Variants in NEGR1 observed in about 807,000 individuals in gnomAD.
NEGR1 encodes the protein IgLON family member 4.
NEGR1 carries 10 observed loss-of-function variants against 40.9 expected under a neutral mutation model. The observed-to-expected ratio is 0.24, with a 90% CI of 0.15 to 0.42. The LOEUF is 0.42. NEGR1 is among the 10% of genes least tolerant of loss of function. The pLI, the probability that NEGR1 is intolerant of heterozygous loss-of-function variation, is 1.00. For synonymous variants in NEGR1, 185 were observed against 166.8 expected, an observed-to-expected ratio of 1.11 and a Z score of -0.84; for missense variants, 352 against 438.9, an observed-to-expected ratio of 0.80 and a Z score of 1.77.
At chr1:71,732,860 C>T (rs1654927957) in intron 3 of NEGR1, among the ~76,000 whole-genome samples, 1 of 152,008 alleles carries the variant, frequency 6.6e-6, no homozygotes, top group Non-Finnish European at 1.5e-5. Flanking sequence ...CAATAAAATT[C>T]CATTTTATAG....
chr1:72,240,390 C>A (rs996336385), intron 1 of NEGR1, among the ~76,000 whole-genome samples: 1 of 151,782 alleles, frequency 6.6e-6, no homozygotes, highest in Non-Finnish European at 1.5e-5. Flanking sequence ...AGAGTTTTGA[C>A]TGAAAAGTTA....
At chr1:71,915,195 T>C (rs948146749) in intron 2 of NEGR1, among the ~76,000 whole-genome samples, 15 of 152,148 alleles carry the variant, frequency 9.9e-5, no homozygotes, top group Non-Finnish European at 2.9e-5. Flanking sequence ...TTTTAAAAAG[T>C]GACTAAGTGG....
chr1:72,161,676 C>CTTTTTTTTTTTTTTTTTTTTT (rs779074685), intron 1 of NEGR1, among the ~76,000 whole-genome samples: 3 of 84,568 alleles, frequency 3.5e-5, no homozygotes, highest in African/African-American at 1.5e-4. Flanking sequence ...TTCTTTCTTT[C>CTTTTTTTTTTTTTTTTTTTTT]TTTTTTTTTT....
chr1:71,802,456 C>T (rs908388562), intron 2 of NEGR1, among the ~76,000 whole-genome samples: 4 of 152,144 alleles, frequency 2.6e-5, no homozygotes, highest in African/African-American at 9.7e-5. Context: ...GTAATTCAGA[C>T]ATCATCAGAG....
At chr1:71,915,914 G>A (rs1321676927) in intron 2 of NEGR1, among the ~76,000 whole-genome samples, 46 of 152,186 alleles carry the variant, frequency 3.0e-4, no homozygotes, top group Admixed American at 3.0e-3. Context: ...TGATAGGACC[G>A]CCAAAAGGAT....
intron 1 of NEGR1, among the ~76,000 whole-genome samples, chr1:72,171,762 C>A (rs145324493): frequency 1.0e-3 from 158 of 152,154 alleles, no homozygotes; most frequent in African/African-American, 3.7e-3. Context: ...AGAGAAAAAT[C>A]AATATATTTC....
At chr1:71,751,966 G>A (rs1031607467) in intron 3 of NEGR1, among the ~76,000 whole-genome samples, 1 of 152,062 alleles carries the variant, frequency 6.6e-6, no homozygotes, top group Non-Finnish European at 1.5e-5. Context: ...TGGTCATCTG[G>A]GTCATTGGTT....
At chr1:71,427,736 A>C (rs1301289379) in intron 6 of NEGR1, among the ~76,000 whole-genome samples, 1 of 152,192 alleles carries the variant, frequency 6.6e-6, no homozygotes, top group African/African-American at 2.4e-5. Flanking sequence ...TAAAATATAC[A>C]TTTTGGTTCT....
intron 6 of NEGR1, among the ~76,000 whole-genome samples, chr1:71,495,338 A>G (rs1646955176): frequency 6.6e-6 from 1 of 152,018 alleles, no homozygotes. Context: ...TTAGCCAGGC[A>G]TGGTGGCACA....
At chr1:71,745,262 A>T (rs1442014787) in intron 3 of NEGR1, among the ~76,000 whole-genome samples, 1 of 152,190 alleles carries the variant, frequency 6.6e-6, no homozygotes, top group Admixed American at 6.6e-5. Context: ...AAAAGCTGTG[A>T]GATTTCCACT....
chr1:71,888,203 C>G (rs988385409), intron 2 of NEGR1, among the ~76,000 whole-genome samples: 1 of 151,656 alleles, frequency 6.6e-6, no homozygotes, highest in South Asian at 2.1e-4. Context: ...ATGGAGAAGT[C>G]GGGGGAGGAG....
intron 1 of NEGR1, among the ~76,000 whole-genome samples, chr1:72,080,799 T>C (rs1050702367): frequency 1.3e-5 from 2 of 152,070 alleles, no homozygotes; most frequent in African/African-American, 4.8e-5. Flanking sequence ...ACAGAGACTT[T>C]TACAGAAAAA....
intron 1 of NEGR1, among the ~76,000 whole-genome samples, chr1:72,170,423 C>A (rs2630432): frequency 0.98 from 148,914 of 152,212 alleles, 72,863 homozygotes; most frequent in East Asian, 1. Context: ...TAAAAGCTCC[C>A]TATGGACAGG....
At chr1:71,667,732 AATC>A (rs1389363538) in intron 4 of NEGR1, among the ~76,000 whole-genome samples, 2 of 152,184 alleles carry the variant, frequency 1.3e-5, no homozygotes, top group African/African-American at 4.8e-5. Flanking sequence ...CTAAAGGCAC[AATC>A]TCCAAAGCTT....
intron 1 of NEGR1, among the ~76,000 whole-genome samples, chr1:72,045,121 A>G (rs552161860): frequency 6.6e-6 from 1 of 151,838 alleles, no homozygotes; most frequent in Non-Finnish European, 1.5e-5. Flanking sequence ...ACATAGCTGC[A>G]TTAGAATTTT....
chr1:72,102,348 G>T (rs953010951), intron 1 of NEGR1, among the ~76,000 whole-genome samples: 2 of 151,850 alleles, frequency 1.3e-5, no homozygotes, highest in African/African-American at 4.8e-5. Flanking sequence ...GTCTTTATAA[G>T]TGTGACCTTC....
At chr1:72,165,734 A>G (rs915786253) in intron 1 of NEGR1, among the ~76,000 whole-genome samples, 2 of 152,012 alleles carry the variant, frequency 1.3e-5, no homozygotes, top group African/African-American at 4.8e-5. Context: ...ACTATCCATC[A>G]AACTATGGTA....
At chr1:71,825,186 G>A (rs1052030714) in intron 2 of NEGR1, among the ~76,000 whole-genome samples, 14 of 151,808 alleles carry the variant, frequency 9.2e-5, no homozygotes, top group Admixed American at 2.0e-4. Context: ...TCATTCTGGG[G>A]GATGTAAAAT....
intron 6 of NEGR1, among the ~76,000 whole-genome samples, chr1:71,540,814 C>T (rs764109168): frequency 2.0e-5 from 3 of 151,648 alleles, no homozygotes; most frequent in Non-Finnish European, 3.0e-5. Flanking sequence ...GTTCTGCAGG[C>T]TATACAGGAA....
Sources: gnomAD v4.1 joint callset for allele counts (sites outside exome capture counted in the v4.1 genomes callset) on GRCh38, gnomAD v4.1.1 for gene constraint, MANE v1.5 for transcripts, NCBI Gene and HGNC (gene_info 2026-07-23, HGNC 2026-07-21) for gene names.